The following SHB variants were observed in gnomAD, a reference collection of about 807,000 sequenced individuals.
The protein encoded by SHB is SH2 domain-containing adapter protein B.
A neutral mutation model predicts 52.3 loss-of-function variants in SHB; 20 were observed. The observed-to-expected ratio is 0.38, with a 90% CI of 0.27 to 0.56. The LOEUF (loss-of-function observed/expected upper bound fraction) is 0.56, where lower values mean the gene tolerates loss of function less well. Ranked by LOEUF, SHB falls within the 20% of genes least tolerant of loss-of-function variation. SHB has a pLI of 0.71. For missense variants in SHB, 825 were observed against 723.3 expected (o/e 1.14, Z -1.61); for synonymous variants, 397 against 316.5 (o/e 1.25, Z -2.70).
intron 1 of SHB, among the ~76,000 whole-genome samples, chr9:38,038,308 C>G (rs1423425782): frequency 1.3e-5 from 2 of 152,156 alleles, no homozygotes; most frequent in Non-Finnish European, 2.9e-5. Context: ...AGCAATGGAC[C>G]TGGGAGCCCC....
intron 3 of SHB, among the ~76,000 whole-genome samples, chr9:37,958,689 G>C (rs1265461869): frequency 2.0e-5 from 3 of 152,198 alleles, no homozygotes; most frequent in Admixed American, 1.3e-4. Flanking sequence ...CAGCTAATAA[G>C]GGGGCTTTTG....
At chr9:38,045,547 G>A (rs185923846) in intron 1 of SHB, among the ~76,000 whole-genome samples, 3 of 152,224 alleles carry the variant, frequency 2.0e-5, no homozygotes, top group Admixed American at 2.0e-4. Context: ...GGAGGTAGAG[G>A]TCGCAGTGAG....
chr9:37,964,984 A>G (rs1274518737), intron 3 of SHB, among the ~76,000 whole-genome samples: 1 of 152,180 alleles, frequency 6.6e-6, no homozygotes, highest in Non-Finnish European at 1.5e-5. Context: ...ATGTCTCCCG[A>G]CACTTTCACC....
At chr9:38,002,682 A>G (rs1821031605) in intron 2 of SHB, among the ~76,000 whole-genome samples, 1 of 152,192 alleles carries the variant, frequency 6.6e-6, no homozygotes, top group Non-Finnish European at 1.5e-5. Flanking sequence ...CTGTGAAAGA[A>G]GATTTCCAGA....
chr9:38,063,761 G>C (rs1821923456), intron 1 of SHB, among the ~76,000 whole-genome samples: 1 of 149,858 alleles, frequency 6.7e-6, no homozygotes, highest in African/African-American at 2.5e-5. Context: ...AATTCCCTCT[G>C]CCTAGCAGGC....
chr9:37,992,866 TGCACACACAC>T (rs1237711811), intron 2 of SHB, among the ~76,000 whole-genome samples: 2 of 132,584 alleles, frequency 1.5e-5, no homozygotes, highest in Non-Finnish European at 1.7e-5. Flanking sequence ...CGTATATGCA[TGCACACACAC>T]ACAAACACAC....
intron 5 of SHB, among the ~76,000 whole-genome samples, chr9:37,946,840 A>G (rs1323966212): frequency 6.6e-6 from 1 of 152,144 alleles, no homozygotes; most frequent in Non-Finnish European, 1.5e-5. Flanking sequence ...GATAACCCCC[A>G]ATGACCAGCA....
chr9:37,957,432 G>C (rs1462577527), intron 3 of SHB, among the ~76,000 whole-genome samples: 1 of 152,128 alleles, frequency 6.6e-6, no homozygotes, highest in Non-Finnish European at 1.5e-5. Flanking sequence ...TTCCCTATCA[G>C]GGACTGTGGG....
intron 3 of SHB, among the ~76,000 whole-genome samples, chr9:37,959,433 A>G (rs1423361394): frequency 6.6e-6 from 1 of 152,156 alleles, no homozygotes. Context: ...TGGCATAGGA[A>G]GGGGACTAAG....
rs539529031 is a variant in SHB, at chr9:38,040,299, A to G, written c.718-24168T>C. Among the ~76,000 whole-genome samples the G allele has an allele frequency of 1.2e-4, 18 of 152,346 alleles. No homozygotes were observed. The East Asian group carries it at 3.5e-3, about 29-fold the overall frequency. ...CCTTGGGCAAGTCTTGGCTGCCTCA[A>G]GGGTAAGACAGAGATGATGGTCCGC... On this transcript the variant is annotated intron_variant, in intron 1 of 5. Transcript: ENST00000377707.
chr9:37,939,762 T>C lies in SHB; in HGVS notation c.1346+8873A>G, dbSNP rs529437815. Among the ~76,000 whole-genome samples, 67 of 152,314 alleles carry C rather than the reference T, an allele frequency of 4.4e-4. 1 individual carries two copies. In the South Asian group the frequency reaches 0.013, roughly 29 times the overall value. On this transcript the variant is annotated intron_variant, in intron 5 of 5. Transcript: ENST00000377707. ...CCTCGAGCTGTGTTGCAATCTCATCTCTTTACTCATTAACTGTGACGTAAT... is the reference window on the plus strand; with the variant it reads ...CCTCGAGCTGTGTTGCAATCTCATCCCTTTACTCATTAACTGTGACGTAAT...
rs114279042 is a variant in SHB at position 38,037,094 on chromosome 9, C to T, written c.718-20963G>A. ...GGTAAAAGCAGTTCTGTGTACTGCC[C>T]TGTAGACAGCCTGGCTTTGGGCCCT... is the stretch of plus-strand genomic sequence containing the variant. On this transcript the variant is annotated intron_variant, in intron 1 of 5. Coordinates refer to ENST00000377707, the MANE Select transcript of SHB (RefSeq NM_003028.3). 2.9e-3 allele frequency among the ~76,000 whole-genome samples: 449 copies of T among 152,332 alleles called. 1 individual carries two copies. The highest frequency in any genetic ancestry group is 0.01 in the African/African-American group (418 of 41,566).
chr9:38,018,606 G>A (rs1484356366), intron 1 of SHB, among the ~76,000 whole-genome samples: 2 of 152,174 alleles, frequency 1.3e-5, no homozygotes, highest in African/African-American at 4.8e-5. Flanking sequence ...TTCAAAGTGA[G>A]GTTGGTGGAG....
intron 2 of SHB, among the ~76,000 whole-genome samples, chr9:37,999,484 A>G (rs1045807859): frequency 3.9e-5 from 6 of 152,210 alleles, no homozygotes; most frequent in Non-Finnish European, 8.8e-5. Context: ...ATATGCTACA[A>G]TTAGGCCCAA....
chr9:38,015,885 C>A, intron 2 of SHB, 126 bp downstream of exon 2: 1 of 886,224 alleles, frequency 1.1e-6, no homozygotes, highest in Non-Finnish European at 1.8e-6. Flanking sequence ...ATTGCTCCCA[C>A]CTACCAACTT....
At chr9:38,049,374 T>A (rs1417027302) in intron 1 of SHB, among the ~76,000 whole-genome samples, 1 of 152,082 alleles carries the variant, frequency 6.6e-6, no homozygotes, top group Non-Finnish European at 1.5e-5. Context: ...TTTGGGAGGC[T>A]GAGGTGGGCA....
intron 2 of SHB, chr9:38,015,452 G>A (rs1219531602): frequency 4.3e-6 from 3 of 702,996 alleles, no homozygotes; most frequent in South Asian, 3.0e-5. Flanking sequence ...AACAGCCACT[G>A]GGGGAATGTC....
At chr9:37,974,314 G>A (rs1246140273) in intron 3 of SHB, among the ~76,000 whole-genome samples, 1 of 152,106 alleles carries the variant, frequency 6.6e-6, no homozygotes, top group African/African-American at 2.4e-5. Flanking sequence ...CAGTGAGCTA[G>A]GGTATTATCA....
intron 2 of SHB, among the ~76,000 whole-genome samples, chr9:38,004,654 T>C (rs1010622056): frequency 6.6e-6 from 1 of 152,154 alleles, no homozygotes; most frequent in African/African-American, 2.4e-5. Context: ...TAGGGCAGCA[T>C]GAAGACTTGG....
Sources: gnomAD v4.1 joint callset for allele counts (sites outside exome capture counted in the v4.1 genomes callset) on GRCh38, gnomAD v4.1.1 for gene constraint, MANE v1.5 for transcripts, NCBI Gene and HGNC (gene_info 2026-07-23, HGNC 2026-07-21) for gene names.